RBM26: variants seen among roughly 807,000 people sequenced by gnomAD.
The protein encoded by RBM26 is RNA binding motif protein 26, also known as RNA-binding protein 26.
A neutral mutation model predicts 123.6 loss-of-function variants in RBM26; 30 were observed. That is an observed-to-expected ratio of 0.24 (90% CI 0.18 to 0.33). The LOEUF (loss-of-function observed/expected upper bound fraction) is 0.33, where lower values mean the gene tolerates loss of function less well. RBM26 is among the 10% of genes least tolerant of loss of function. The pLI is 1.00. For synonymous variants in RBM26, 400 were observed against 404.4 expected, an observed-to-expected ratio of 0.99 and a Z score of 0.13; for missense variants, 947 against 1,203.6, an observed-to-expected ratio of 0.79 and a Z score of 3.15.
At chr13:79,367,430 A>AAAAAAAAAAAAAAAAAAAAG (rs1555326395) in intron 6 of RBM26, among the ~76,000 whole-genome samples, 6 of 47,138 alleles carry the variant, frequency 1.3e-4, no homozygotes, top group Non-Finnish European at 3.2e-4. Flanking sequence ...AAAAAAAAAA[A>AAAAAAAAAAAAAAAAAAAAG]AAGAAGAAGA....
intron 1 of RBM26, among the ~76,000 whole-genome samples, chr13:79,405,123 T>C (rs1275997099): frequency 6.6e-6 from 1 of 152,258 alleles, no homozygotes; most frequent in African/African-American, 2.4e-5. Context: ...ATATTCCATA[T>C]GGATGAAGAT....
intron 1 of RBM26, among the ~76,000 whole-genome samples, chr13:79,401,930 C>T (rs1424560488): frequency 6.6e-6 from 1 of 151,986 alleles, no homozygotes; most frequent in Non-Finnish European, 1.5e-5. Context: ...TACTACTCAA[C>T]TCACAAAACC....
At chr13:79,363,418 A>G (rs2074928900) in intron 9 of RBM26, among the ~76,000 whole-genome samples, 1 of 152,154 alleles carries the variant, frequency 6.6e-6, no homozygotes, top group Admixed American at 6.5e-5. Context: ...CTAAAAAGAG[A>G]TAAGAAAACA....
chr13:79,377,538 T>C (rs557334600), intron 2 of RBM26, 23 bp from the exon 3 acceptor site: 45 of 1,568,574 alleles, frequency 2.9e-5, no homozygotes, highest in Middle Eastern at 3.4e-4. Context: ...CCAAACACCA[T>C]AGATTAAAAC....
chr13:79,393,747 G>C (rs115746237), intron 1 of RBM26, among the ~76,000 whole-genome samples: 81 of 152,240 alleles, frequency 5.3e-4, no homozygotes, highest in African/African-American at 1.8e-3. Flanking sequence ...AAGGACCTTG[G>C]GGTCTGCACC....
chr13:79,405,829 T>G lies in RBM26; in HGVS notation c.-55A>C. The G allele has an allele frequency of 7.7e-6, 9 of 1,166,392 alleles. No individual in the cohort carries two copies. The highest frequency in any genetic ancestry group is 8.3e-6 in the Non-Finnish European group (7 of 848,136). 72.3% of individuals were successfully genotyped at this position (1,166,392 alleles called of 1,614,324 possible). A position where few individuals can be genotyped will look rare whatever the true frequency, so the allele number is the denominator to read the frequency against. ...CTCCGCCCGCCCAGGTCGCGGCCGC[T>G]ACAGCCGCCGCTGCCCCCGCCCCCT... On this transcript the variant is annotated 5_prime_UTR_variant, in exon 1 of 22. Coordinates refer to ENST00000438737, the MANE Select transcript of RBM26 (RefSeq NM_001366735.2).
At chr13:79,385,896 A>G (rs1277750987) in intron 1 of RBM26, among the ~76,000 whole-genome samples, 1 of 151,958 alleles carries the variant, frequency 6.6e-6, no homozygotes, top group East Asian at 1.9e-4. Flanking sequence ...GATGGCCCCC[A>G]AGCAGTTCCC....
chr13:79,339,044 C>G (rs1211719012), intron 18 of RBM26, among the ~76,000 whole-genome samples: 1 of 152,090 alleles, frequency 6.6e-6, no homozygotes, highest in Non-Finnish European at 1.5e-5. Context: ...GCACAGCTGC[C>G]AAATCTCTGC....
downstream of RBM26, among the ~76,000 whole-genome samples, chr13:79,315,939 A>G (rs1421999654): frequency 6.6e-6 from 1 of 151,848 alleles, no homozygotes; most frequent in Non-Finnish European, 1.5e-5. Context: ...CATACCTTTG[A>G]GCAACTAGCC....
At chr13:79,374,109 T>C (rs1358110583) in intron 3 of RBM26, among the ~76,000 whole-genome samples, 1 of 152,048 alleles carries the variant, frequency 6.6e-6, no homozygotes, top group African/African-American at 2.4e-5. Flanking sequence ...ACGCACAGGG[T>C]ACACATGTCC....
At position 79,371,901 on chromosome 13, in the gene RBM26, C is replaced by T; in HGVS notation, c.357G>A (p.Lys119=). 1.2e-6 allele frequency: 2 copies of T among 1,606,202 alleles called. No individual in the cohort carries two copies. The highest frequency in any genetic ancestry group is 1.7e-6 in the Non-Finnish European group (2 of 1,173,958). Residue 119 remains lysine, a synonymous_variant, in exon 4 of 22, where the codon AAG becomes AAA. Coordinates refer to ENST00000438737, the MANE Select transcript of RBM26 (RefSeq NM_001366735.2). ...EITKEEEREK[K]FSRRLNHSPP... The stretch of plus-strand genomic sequence containing the variant: ...GACTGTGATTTAGCCTTCTAGAAAA[C>T]TTCTTCTCTCGCTCTTCCTCCTTAG...
intron 14 of RBM26, among the ~76,000 whole-genome samples, chr13:79,350,586 G>T (rs190770838): frequency 6.6e-6 from 1 of 152,112 alleles, no homozygotes; most frequent in African/African-American, 2.4e-5. Context: ...CGAAAATGGG[G>T]TCTCAGGATA....
At chr13:79,312,179 C>T (rs1439278203) in exon 5 of RBM26, 1 of 152,024 alleles carries the variant, frequency 6.6e-6, no homozygotes, top group African/African-American at 2.4e-5. Context: ...ACAATCCAGT[C>T]TCCAGACAAG....
chr13:79,364,938 T>G (rs2075102779), intron 9 of RBM26, among the ~76,000 whole-genome samples: 1 of 152,048 alleles, frequency 6.6e-6, no homozygotes, highest in South Asian at 2.1e-4. Context: ...AAACTTATCT[T>G]TAGGAATTAA....
At chr13:79,362,347 T>G (rs932746601) in intron 9 of RBM26, among the ~76,000 whole-genome samples, 2 of 152,196 alleles carry the variant, frequency 1.3e-5, no homozygotes, top group South Asian at 2.1e-4. Flanking sequence ...TAAACTTATT[T>G]TTTTCATTTC....
At chr13:79,317,426 A>G (rs2138264869), downstream of RBM26, among the ~76,000 whole-genome samples, 1 of 151,822 alleles carries the variant, frequency 6.6e-6, no homozygotes, top group East Asian at 1.9e-4. Flanking sequence ...TCTTTATTTT[A>G]CAGACAAGGA....
At chr13:79,315,419 C>T (rs1297696053), downstream of RBM26, among the ~76,000 whole-genome samples, 1 of 151,816 alleles carries the variant, frequency 6.6e-6, no homozygotes, top group African/African-American at 2.4e-5. Flanking sequence ...TTGCAAGATA[C>T]ATCTAATTTC....
chr13:79,373,038 TATAATATATAAGATATATC>T lies in RBM26; in HGVS notation c.328-1127_328-1109del. ...TATATCTTATATATTACATATTTTA[TATAATATATAAGATATATC>T]TTATATATTACATATTTTATATAAT... is the stretch of plus-strand genomic sequence containing the variant. On this transcript the variant is annotated intron_variant, in intron 3 of 21. Transcript: ENST00000438737. Among the ~76,000 whole-genome samples, 3 of 2,926 alleles carry T rather than the reference TATAATATATAAGATATATC, an allele frequency of 1.0e-3. 1 individual carries two copies. The highest frequency in any genetic ancestry group is 1.5e-3 in the Non-Finnish European group (3 of 1,956). The allele number at this position is 2,926 out of a possible 152,430, so 1.9% of individuals were successfully genotyped here. A position where few individuals can be genotyped will look rare whatever the true frequency, so the allele number is the denominator to read the frequency against.
chr13:79,346,549 T>G (rs2072366796), intron 14 of RBM26, among the ~76,000 whole-genome samples: 2 of 152,208 alleles, frequency 1.3e-5, no homozygotes, highest in Middle Eastern at 3.4e-3. Flanking sequence ...ATGTTTTGTA[T>G]TTTTTGTAGA....
Sources: allele counts gnomAD v4.1 joint callset (sites outside exome capture counted in the v4.1 genomes callset), GRCh38; gene constraint gnomAD v4.1.1; transcripts MANE v1.5; gene names NCBI Gene and HGNC (gene_info 2026-07-23, HGNC 2026-07-21).